Variants in ARID1B observed in about 807,000 individuals in gnomAD.
The protein encoded by ARID1B is AT-rich interactive domain-containing protein 1B.
Under a neutral mutation model 212.3 loss-of-function variants are expected in ARID1B, and 30 were observed. That is an observed-to-expected ratio of 0.14 (90% confidence interval 0.11 to 0.19). ARID1B has a LOEUF of 0.19. Among genes scored for constraint, ARID1B ranks in the 10% least tolerant of loss-of-function variants. The pLI, the probability that ARID1B is intolerant of heterozygous loss-of-function variation, is 1.00. For synonymous variants in ARID1B, 1,402 were observed against 1,301.7 expected (o/e 1.08, Z -1.66); for missense variants, 2,891 against 3,204.0 (o/e 0.90, Z 2.36).
Position 157,110,742 on chromosome 6 carries a change from T to G in ARID1B, c.2581+181T>G, listed in dbSNP as rs78808526. ...ATGGAGAGGAGGGAGGATGCTTTCT[T>G]GTAGGTTGGGTGAAGTGTGGTCAAA... On this transcript the variant is annotated intron_variant, in intron 6 of 19. Coordinates refer to ENST00000636930, the MANE Select transcript of ARID1B (RefSeq NM_001374828.1). 0.066 allele frequency: 43,221 copies of G among 657,524 alleles called. 1,841 individuals carry two copies. Among genetic ancestry groups the G allele is most frequent in the Non-Finnish European group, 0.088 (33,703 of 382,400 alleles). The allele number at this position is 657,524 out of a possible 1,614,324, so 40.7% of individuals were successfully genotyped here.
chr6:157,155,204 G>C (rs757479370), intron 8 of ARID1B, among the ~76,000 whole-genome samples: 6 of 152,180 alleles, frequency 3.9e-5, no homozygotes, highest in Non-Finnish European at 5.9e-5. Context: ...GCACAAGGGC[G>C]GGTTTGAGTT....
chr6:156,977,091 C>CA (rs144252627), intron 4 of ARID1B: 2,558 of 149,000 alleles, frequency 0.017, 40 homozygotes, highest in African/African-American at 0.044. Context: ...TACATATTTA[C>CA]AAAAAAAAAA....
intron 4 of ARID1B, among the ~76,000 whole-genome samples, chr6:156,950,520 T>A (rs1274863537): frequency 6.6e-6 from 1 of 152,242 alleles, no homozygotes; most frequent in African/African-American, 2.4e-5. Context: ...ATAGGAAATA[T>A]ACCTTTTTCA....
At chr6:156,998,034 G>A (rs959165089) in intron 4 of ARID1B, among the ~76,000 whole-genome samples, 2 of 152,102 alleles carry the variant, frequency 1.3e-5, no homozygotes, top group South Asian at 2.1e-4. Context: ...GAGGAACCTC[G>A]TCATCGTGAC....
intron 4 of ARID1B, among the ~76,000 whole-genome samples, chr6:157,011,313 T>C (rs564603848): frequency 6.6e-6 from 1 of 152,356 alleles, no homozygotes; most frequent in African/African-American, 2.4e-5. Flanking sequence ...TAATTAATTG[T>C]CCAAAAAGTA....
chr6:157,021,514 C>T (rs1275969248), intron 4 of ARID1B, among the ~76,000 whole-genome samples: 2 of 152,218 alleles, frequency 1.3e-5, no homozygotes, highest in East Asian at 3.9e-4. Flanking sequence ...GGTTCCGGTG[C>T]CGCCCTCCCT....
chr6:157,053,004 C>T (rs1782705958), intron 4 of ARID1B, among the ~76,000 whole-genome samples: 1 of 152,156 alleles, frequency 6.6e-6, no homozygotes, highest in Admixed American at 6.5e-5. Flanking sequence ...AAGCGTGAGC[C>T]ACCACACCCA....
chr6:156,880,675 G>C (rs1786980659), intron 2 of ARID1B, among the ~76,000 whole-genome samples: 1 of 146,034 alleles, frequency 6.8e-6, no homozygotes, highest in Admixed American at 7.5e-5. Flanking sequence ...GGGAGGCGGA[G>C]GTTTCAGTGA....
intron 3 of ARID1B, among the ~76,000 whole-genome samples, chr6:156,931,083 G>T (rs1054693263): frequency 1.3e-5 from 2 of 151,478 alleles, no homozygotes; most frequent in African/African-American, 2.4e-5. Flanking sequence ...CCAGCTACTC[G>T]GGAGGCTGAG....
In ARID1B at chr6:157,190,242, G is replaced by T; in HGVS notation, c.4231+32G>T. On this transcript the variant is annotated intron_variant, in intron 15 of 19. Transcript: ENST00000636930. The surrounding 1 kb of genome is among the most constrained non-coding windows in gnomAD (Gnocchi z 4.6). ...GTAGAGGGGCCTCCACCCGGCCATG[G>T]ACCAGTGGGCATTCTACTCTCTGCC... 1 of 1,583,378 alleles carries T rather than the reference G, an allele frequency of 6.3e-7. No individual in the cohort carries two copies. The highest frequency in any genetic ancestry group is 1.1e-5 in the South Asian group (1 of 86,958).
chr6:156,779,360 G>A lies in ARID1B; in HGVS notation c.1680G>A (p.Lys560=), dbSNP rs1438046932. 4.6e-5 allele frequency: 60 copies of A among 1,318,636 alleles called. No homozygotes were observed. The highest frequency in any genetic ancestry group is 5.4e-5 in the Non-Finnish European group (56 of 1,028,750). The allele number at this position is 1,318,636 out of a possible 1,614,324, so 81.7% of individuals were successfully genotyped here. ...QQAAAGMGLG[K]DMGAQYAAAS... Reference sequence around the variant, plus strand: ...CGGCCGCGGGCATGGGCTTGGGCAAGGACATGGGCGCCCAGTACGCCGCTG... The same window carrying A: ...CGGCCGCGGGCATGGGCTTGGGCAAAGACATGGGCGCCCAGTACGCCGCTG... Residue 560 remains lysine (K), a synonymous_variant, in exon 1 of 20, where the codon AAG becomes AAA. Transcript: ENST00000636930.
intron 3 of ARID1B, among the ~76,000 whole-genome samples, chr6:156,928,750 T>C (rs1350735593): frequency 1.3e-5 from 2 of 152,202 alleles, no homozygotes; most frequent in East Asian, 3.9e-4. Flanking sequence ...CTTCTGGTAA[T>C]GCTTGATGAT....
intron 7 of ARID1B, among the ~76,000 whole-genome samples, chr6:157,143,601 A>G (rs752695158): frequency 6.6e-6 from 1 of 152,118 alleles, no homozygotes; most frequent in Non-Finnish European, 1.5e-5. Context: ...CTTACTCATT[A>G]TCGTAGTCAC....
intron 11 of ARID1B, among the ~76,000 whole-genome samples, chr6:157,177,289 G>A (rs1329844752): frequency 6.6e-6 from 1 of 152,204 alleles, no homozygotes; most frequent in Admixed American, 6.5e-5. Flanking sequence ...TTTTTTGAAT[G>A]AGATGCTAAT....
At chr6:157,076,947 A>T (rs893398239) in intron 4 of ARID1B, among the ~76,000 whole-genome samples, 3 of 152,328 alleles carry the variant, frequency 2.0e-5, no homozygotes, top group Admixed American at 6.5e-5. Context: ...AGAATATAGA[A>T]TTAAGAGACT....
rs1201090893 is a variant in ARID1B at position 157,148,025 on chromosome 6, C to T, written c.2762-599C>T. On this transcript the variant is annotated intron_variant, in intron 7 of 19. Transcript: ENST00000636930. This position sits in a 1 kb window ranked among gnomAD's most constrained non-coding sequence, Gnocchi z 5.6. ...TGTGGCAGCCAGCACAAACCAGCTGCTCGATCTGGTACTCAAGCAAAAAAA... is the reference window on the plus strand; with the variant it reads ...TGTGGCAGCCAGCACAAACCAGCTGTTCGATCTGGTACTCAAGCAAAAAAA... Among the ~76,000 whole-genome samples the T allele has an allele frequency of 1.3e-5, 2 of 149,260 alleles. No homozygotes were observed. The highest frequency in any genetic ancestry group is 3.0e-5 in the Non-Finnish European group (2 of 67,648).
At chr6:156,917,456 T>C (rs1355673833) in intron 3 of ARID1B, among the ~76,000 whole-genome samples, 1 of 152,110 alleles carries the variant, frequency 6.6e-6, no homozygotes, top group Non-Finnish European at 1.5e-5. Flanking sequence ...GGGAGGGGTG[T>C]GTTTCAAGCT....
chr6:156,999,157 C>T (rs145177136), intron 4 of ARID1B, among the ~76,000 whole-genome samples: 4 of 152,320 alleles, frequency 2.6e-5, no homozygotes, highest in African/African-American at 4.8e-5. Flanking sequence ...CCTGTACTTA[C>T]GTATGAGGCA....
At chr6:157,065,837 T>C (rs562943489) in intron 4 of ARID1B, among the ~76,000 whole-genome samples, 1 of 152,264 alleles carries the variant, frequency 6.6e-6, no homozygotes, top group Non-Finnish European at 1.5e-5. Context: ...AAGTCCATTT[T>C]TTAATGTAAG....
Sources: allele counts gnomAD v4.1 joint callset (sites outside exome capture counted in the v4.1 genomes callset), GRCh38; gene constraint gnomAD v4.1.1; non-coding constraint Gnocchi (gnomAD v3.1); transcripts MANE v1.5; gene names NCBI Gene and HGNC (gene_info 2026-07-23, HGNC 2026-07-21).